Variants in PID1 observed in about 807,000 individuals in gnomAD.
The protein encoded by PID1 is phosphotyrosine interaction domain containing 1.
PID1 carries 10 observed loss-of-function variants against 19.1 expected under a neutral mutation model. The ratio of observed to expected loss-of-function variants is 0.52; its 90% CI spans 0.32 to 0.89. The LOEUF (loss-of-function observed/expected upper bound fraction) is 0.89. Ranked by LOEUF, PID1 falls within the 40% of genes least tolerant of loss-of-function variation. The pLI is 0.03. For synonymous variants in PID1, 130 were observed against 116.0 expected (o/e 1.12, Z -0.78); for missense variants, 248 against 285.3 (o/e 0.87, Z 0.94).
chr2:229,142,223 A>G (rs978030673), intron 2 of PID1, among the ~76,000 whole-genome samples: 1 of 152,158 alleles, frequency 6.6e-6, no homozygotes, highest in Non-Finnish European at 1.5e-5. Context: ...TACTTTATAA[A>G]TATCTCTTTA....
At chr2:229,077,216 C>T (rs923551784) in intron 2 of PID1, among the ~76,000 whole-genome samples, 1 of 152,086 alleles carries the variant, frequency 6.6e-6, no homozygotes, top group African/African-American at 2.4e-5. Flanking sequence ...ATATCCTTCG[C>T]CAACTTTTTG....
chr2:229,063,384 T>C (rs911759826), intron 2 of PID1, among the ~76,000 whole-genome samples: 10 of 152,244 alleles, frequency 6.6e-5, no homozygotes, highest in Middle Eastern at 3.4e-3. Flanking sequence ...TTTGACTCAC[T>C]GGTTACTGAG....
intron 2 of PID1, among the ~76,000 whole-genome samples, chr2:229,042,386 T>C (rs748592816): frequency 3.3e-5 from 5 of 152,188 alleles, no homozygotes; most frequent in Non-Finnish European, 5.9e-5. Flanking sequence ...GTGAAAAAGA[T>C]GAAGATTTTC....
At chr2:229,229,629 C>T (rs559531419) in intron 1 of PID1, among the ~76,000 whole-genome samples, 3 of 152,112 alleles carry the variant, frequency 2.0e-5, no homozygotes, top group African/African-American at 4.8e-5. Flanking sequence ...GAATGAGACC[C>T]TGTCTCAGAA....
intron 1 of PID1, among the ~76,000 whole-genome samples, chr2:229,172,073 C>T (rs111533825): frequency 2.0e-5 from 3 of 152,192 alleles, no homozygotes; most frequent in African/African-American, 7.2e-5. Context: ...GGCCTAGGCT[C>T]GTCTCAGCAA....
intron 2 of PID1, among the ~76,000 whole-genome samples, chr2:229,062,976 C>A (rs1235539214): frequency 6.6e-6 from 1 of 151,896 alleles, no homozygotes; most frequent in East Asian, 1.9e-4. Flanking sequence ...AACATCTCCT[C>A]TTTTGTTTCT....
intron 2 of PID1, among the ~76,000 whole-genome samples, chr2:229,027,081 GGA>G (rs1693439380): frequency 6.6e-6 from 1 of 152,118 alleles, no homozygotes; most frequent in Non-Finnish European, 1.5e-5. Context: ...ACGAATGCGA[GGA>G]GAGAAAGACC....
In PID1 at chr2:229,131,750, A is replaced by G. The variant is rs146519153; in HGVS notation, c.177+24068T>C. Among the ~76,000 whole-genome samples, 148 of 152,344 alleles carry G rather than the reference A, an allele frequency of 9.7e-4. 1 individual carries two copies. Among genetic ancestry groups the G allele is most frequent in the African/African-American group, 3.5e-3 (144 of 41,586 alleles). On this transcript the variant is annotated intron_variant, in intron 2 of 2. Transcript: ENST00000392055. ...AAAACCAAGATTTCAGCTTGAATAAATGATGAAGATCAGCCAAGCAACGTT... is the reference window on the plus strand; with the variant it reads ...AAAACCAAGATTTCAGCTTGAATAAGTGATGAAGATCAGCCAAGCAACGTT...
chr2:229,229,413 G>T (rs531915146), intron 1 of PID1, among the ~76,000 whole-genome samples: 1 of 152,174 alleles, frequency 6.6e-6, no homozygotes, highest in South Asian at 2.1e-4. Context: ...ATGTTTAAAA[G>T]CAATGTTCTA....
chr2:229,218,293 C>CAA lies in PID1; in HGVS notation c.30+52719_30+52720dup, dbSNP rs67801043. On this transcript the variant is annotated intron_variant, in intron 1 of 2. Coordinates refer to ENST00000392055, the MANE Select transcript of PID1 (RefSeq NM_001100818.2). ...CTTCTCTACAATTTTGTTTCCTGAG[C>CAA]AAAAAAAAAAAAAAAAAAAAAAAGC... Among the ~76,000 whole-genome samples, 57 of 67,526 alleles carry CAA rather than the reference C, an allele frequency of 8.4e-4. 1 individual carries two copies. Among genetic ancestry groups the CAA allele is most frequent in the African/African-American group, 1.2e-3 (21 of 16,950 alleles). The allele number at this position is 67,526 out of a possible 152,430, so 44.3% of individuals were successfully genotyped here.
At chr2:229,215,945 A>C (rs1238652476) in intron 1 of PID1, among the ~76,000 whole-genome samples, 1 of 152,180 alleles carries the variant, frequency 6.6e-6, no homozygotes, top group East Asian at 1.9e-4. Flanking sequence ...CAAAATCAAA[A>C]TCGTTTGTGA....
intron 1 of PID1, 150 bp from the exon 2 acceptor site, chr2:229,156,114 A>G (rs1037279371): frequency 3.1e-6 from 2 of 655,356 alleles, no homozygotes; most frequent in African/African-American, 1.8e-5. Flanking sequence ...AGGAGGGGGA[A>G]CTGTGTCCTG....
chr2:229,264,475 G>GA (rs1574769359), intron 1 of PID1, among the ~76,000 whole-genome samples: 2 of 152,290 alleles, frequency 1.3e-5, no homozygotes, highest in East Asian at 3.9e-4. Context: ...CACAAGGTAT[G>GA]TGGCCCCCAA....
chr2:229,138,666 T>C (rs1689906089), intron 2 of PID1, among the ~76,000 whole-genome samples: 2 of 152,072 alleles, frequency 1.3e-5, no homozygotes, highest in Non-Finnish European at 2.9e-5. Context: ...ACATATCTGA[T>C]TTCCCTTTGG....
intron 2 of PID1, among the ~76,000 whole-genome samples, chr2:229,027,357 A>G (rs6754881): frequency 0.55 from 82,937 of 152,062 alleles, 23,006 homozygotes; most frequent in African/African-American, 0.63. Flanking sequence ...AGGCATGGGG[A>G]TTGCTATGAA....
intron 2 of PID1, among the ~76,000 whole-genome samples, chr2:229,112,653 T>C (rs1442123411): frequency 6.6e-6 from 1 of 152,070 alleles, no homozygotes; most frequent in Non-Finnish European, 1.5e-5. Context: ...GCCTGGCTAA[T>C]TTTTTTATTT....
chr2:229,113,596 A>ATGTGTGTGCG (rs149037516), intron 2 of PID1, among the ~76,000 whole-genome samples: 5 of 141,976 alleles, frequency 3.5e-5, no homozygotes, highest in East Asian at 4.2e-4. Context: ...GTATGCATAT[A>ATGTGTGTGCG]TGTGTGTGTG....
intron 2 of PID1, among the ~76,000 whole-genome samples, chr2:229,092,607 T>A (rs1043188129): frequency 8.5e-5 from 13 of 152,112 alleles, no homozygotes; most frequent in Non-Finnish European, 1.8e-4. Flanking sequence ...AACAGCTCTG[T>A]CAATTAACTA....
intron 2 of PID1, among the ~76,000 whole-genome samples, chr2:229,128,469 C>A (rs1346170490): frequency 6.6e-6 from 1 of 152,238 alleles, no homozygotes. Context: ...TTATTTATGA[C>A]TTTTGTTGCT....
Sources: allele counts gnomAD v4.1 joint callset (sites outside exome capture counted in the v4.1 genomes callset), GRCh38; gene constraint gnomAD v4.1.1; transcripts MANE v1.5; gene names NCBI Gene and HGNC (gene_info 2026-07-23, HGNC 2026-07-21).